The following AFAP1 variants were observed in gnomAD, a reference collection of about 807,000 sequenced individuals.
The protein encoded by AFAP1 is actin filament associated protein 1.
In AFAP1, 75 loss-of-function variants were observed where a neutral mutation model predicts 93.9. The ratio of observed to expected loss-of-function variants is 0.80; its 90% confidence interval spans 0.66 to 0.97. The LOEUF is 0.97. AFAP1 is among the 50% of genes least tolerant of loss of function. The pLI, the probability that AFAP1 is intolerant of heterozygous loss-of-function variation, is 0.00. For synonymous variants in AFAP1, 517 were observed against 430.7 expected, an observed-to-expected ratio of 1.20 and a Z score of -2.48; for missense variants, 1,201 against 1,050.8, an observed-to-expected ratio of 1.14 and a Z score of -1.98.
chr4:7,822,028 C>G (rs1344221158), intron 6 of AFAP1, among the ~76,000 whole-genome samples: 1 of 152,202 alleles, frequency 6.6e-6, no homozygotes, highest in Non-Finnish European at 1.5e-5. Context: ...TCTCTTGTTT[C>G]TCTCGCTTTC....
At chr4:7,855,948 C>T (rs1237177403) in intron 3 of AFAP1, among the ~76,000 whole-genome samples, 10 of 152,172 alleles carry the variant, frequency 6.6e-5, no homozygotes, top group Non-Finnish European at 1.2e-4. Flanking sequence ...TCCCCACACA[C>T]TCCACACACA....
At chr4:7,863,084 C>T (rs1715924747) in intron 3 of AFAP1, among the ~76,000 whole-genome samples, 1 of 152,192 alleles carries the variant, frequency 6.6e-6, no homozygotes, top group African/African-American at 2.4e-5. Flanking sequence ...TGCAATCAGT[C>T]TGATAGCTGC....
chr4:7,789,021 C>A (rs975489381), intron 11 of AFAP1: 7 of 152,558 alleles, frequency 4.6e-5, no homozygotes, highest in Admixed American at 2.6e-4. Context: ...CTGGCAGGAC[C>A]TGGGAGCACA....
At chr4:7,833,348 C>CAG (rs1361527846) in intron 6 of AFAP1, among the ~76,000 whole-genome samples, 1 of 152,072 alleles carries the variant, frequency 6.6e-6, no homozygotes, top group Non-Finnish European at 1.5e-5. Context: ...AGGACATGAA[C>CAG]AGACAATTCT....
chr4:7,809,451 A>T (rs546663521), intron 9 of AFAP1, 163 bp downstream of exon 9: 2 of 808,284 alleles, frequency 2.5e-6, no homozygotes, highest in South Asian at 6.6e-5. Flanking sequence ...AGAGGCAAAA[A>T]TGTAAACATT....
intron 2 of AFAP1, among the ~76,000 whole-genome samples, chr4:7,868,959 AAGAAAAG>A (rs1199335913): frequency 5.9e-5 from 9 of 151,956 alleles, no homozygotes; most frequent in Non-Finnish European, 1.0e-4. Context: ...GGGAAAGGGA[AAGAAAAG>A]AGAAAAGAAA....
chr4:7,870,724 A>T (rs1480151482), intron 2 of AFAP1, among the ~76,000 whole-genome samples: 4 of 152,136 alleles, frequency 2.6e-5, no homozygotes, highest in Admixed American at 6.5e-5. Context: ...TTCTTATCTA[A>T]GTGGCAGGCC....
intron 1 of AFAP1, among the ~76,000 whole-genome samples, chr4:7,918,262 C>T (rs1720205676): frequency 6.9e-6 from 1 of 145,858 alleles, no homozygotes; most frequent in East Asian, 2.1e-4. Context: ...ACAGGGCTGC[C>T]AGATGAGACA....
At chr4:7,831,237 T>G (rs1711566414) in intron 6 of AFAP1, among the ~76,000 whole-genome samples, 1 of 152,150 alleles carries the variant, frequency 6.6e-6, no homozygotes, top group African/African-American at 2.4e-5. Context: ...CTGACTTTCC[T>G]TTCTAATCAA....
intron 1 of AFAP1, among the ~76,000 whole-genome samples, chr4:7,916,178 G>A (rs1220437876): frequency 6.6e-6 from 1 of 152,130 alleles, no homozygotes; most frequent in African/African-American, 2.4e-5. Flanking sequence ...AGAAACCACG[G>A]CACAAAAGTG....
At chr4:7,792,677 T>G (rs543473202) in intron 11 of AFAP1, among the ~76,000 whole-genome samples, 6 of 152,272 alleles carry the variant, frequency 3.9e-5, no homozygotes, top group African/African-American at 1.4e-4. Flanking sequence ...CCACTGTCAT[T>G]GGACACACCT....
At chr4:7,810,882 T>A (rs1040849083) in intron 8 of AFAP1, among the ~76,000 whole-genome samples, 1 of 152,308 alleles carries the variant, frequency 6.6e-6, no homozygotes, top group South Asian at 2.1e-4. Context: ...TGGCATCCTA[T>A]GTCTGCCCCA....
At chr4:7,860,652 A>C (rs1463469638) in intron 3 of AFAP1, among the ~76,000 whole-genome samples, 1 of 152,214 alleles carries the variant, frequency 6.6e-6, no homozygotes, top group Non-Finnish European at 1.5e-5. Flanking sequence ...GAAGTCAGCC[A>C]GAGTGGGCAC....
In AFAP1 at chr4:7,798,470, A is replaced by ACTCTATTGGCTGGCTCACGGCATTTCAC. The variant is rs1445308134; in HGVS notation, c.1266+1944_1266+1971dup. Among the ~76,000 whole-genome samples, 26 of 110,698 alleles carry ACTCTATTGGCTGGCTCACGGCATTTCAC rather than the reference A, an allele frequency of 2.3e-4. No individual in the cohort carries two copies. The East Asian group carries it at 5.0e-3, about 21-fold the overall frequency. The allele number at this position is 110,698 out of a possible 152,430, so 72.6% of individuals were successfully genotyped here. A position where few individuals can be genotyped will look rare whatever the true frequency, so the allele number is the denominator to read the frequency against. ...CTATTGGCTGGCTCACGGCATTGCA[A>ACTCTATTGGCTGGCTCACGGCATTTCAC]CTCTATTGGCTGGCTCACGGCATTT... On this transcript the variant is annotated intron_variant, in intron 10 of 17. Transcript: ENST00000420658.
intron 6 of AFAP1, among the ~76,000 whole-genome samples, chr4:7,835,707 C>T (rs1406949625): frequency 3.0e-5 from 2 of 66,346 alleles, no homozygotes; most frequent in Admixed American, 3.2e-4. Flanking sequence ...GAATGGACTG[C>T]GGGCGGCCTT....
chr4:7,766,655 G>C (rs1714628755), intron 17 of AFAP1, among the ~76,000 whole-genome samples: 1 of 151,714 alleles, frequency 6.6e-6, no homozygotes, highest in South Asian at 2.1e-4. Context: ...ATCTCCAGGT[G>C]AATGTGTCAC....
chr4:7,800,753 G>C (rs1344761588), intron 9 of AFAP1, 100 bp from the exon 10 acceptor site: 1 of 1,143,408 alleles, frequency 8.7e-7, no homozygotes. Context: ...TGGGAGTGTG[G>C]ATAAAACAAA....
chr4:7,913,982 C>A (rs1719916506), intron 1 of AFAP1, among the ~76,000 whole-genome samples: 1 of 152,124 alleles, frequency 6.6e-6, no homozygotes, highest in Non-Finnish European at 1.5e-5. Flanking sequence ...AGCATATCCA[C>A]CATCTCAAAC....
At chr4:7,767,289 CG>C (rs1714736815) in intron 17 of AFAP1, among the ~76,000 whole-genome samples, 1 of 152,218 alleles carries the variant, frequency 6.6e-6, no homozygotes, top group East Asian at 1.9e-4. Context: ...CAAAAGGGAG[CG>C]GGGGGCCTGA....
Sources: gnomAD v4.1 joint callset for allele counts (sites outside exome capture counted in the v4.1 genomes callset) on GRCh38, gnomAD v4.1.1 for gene constraint, MANE v1.5 for transcripts, NCBI Gene and HGNC (gene_info 2026-07-23, HGNC 2026-07-21) for gene names.